CAPN13: variants seen among roughly 807,000 people sequenced by gnomAD.
CAPN13 encodes the protein calpain 13, also known as calpain-13.
CAPN13 carries 90 observed loss-of-function variants against 98.4 expected under a neutral mutation model. That is an observed-to-expected ratio of 0.92 (90% confidence interval 0.77 to 1.09). CAPN13 has a LOEUF of 1.09. Among genes scored for constraint, CAPN13 ranks in the 50% least tolerant of loss-of-function variants. The probability of loss-of-function intolerance (pLI) is 0.00; values close to 1 mark genes in which losing one functional copy is unlikely to be tolerated. For synonymous variants in CAPN13, 330 were observed against 305.5 expected, an observed-to-expected ratio of 1.08 and a Z score of -0.84; for missense variants, 887 against 841.3, an observed-to-expected ratio of 1.05 and a Z score of -0.67.
intron 15 of CAPN13, among the ~76,000 whole-genome samples, chr2:30,740,079 T>A (rs908265106): frequency 3.6e-5 from 5 of 137,426 alleles, no homozygotes; most frequent in Admixed American, 3.3e-4. Flanking sequence ...GTCATTGTAT[T>A]AGGTTTTTTT....
At chr2:30,725,019 A>T (rs965708390) in intron 22 of CAPN13, among the ~76,000 whole-genome samples, 18 of 152,326 alleles carry the variant, frequency 1.2e-4, no homozygotes, top group African/African-American at 4.3e-4. Context: ...ATACAGTGGG[A>T]AATTGTTATA....
chr2:30,797,227 G>C (rs531722543), intron 1 of CAPN13, among the ~76,000 whole-genome samples: 1 of 152,244 alleles, frequency 6.6e-6, no homozygotes, highest in South Asian at 2.1e-4. Context: ...TGCTGTAAGA[G>C]AGCAGATATT....
intron 7 of CAPN13, among the ~76,000 whole-genome samples, chr2:30,758,789 T>TTTCCTTCCTCCCTCCCTCCCTC (rs1572829401): frequency 9.2e-6 from 1 of 109,132 alleles, no homozygotes; most frequent in Non-Finnish European, 1.9e-5. Context: ...TCCCTCCCTT[T>TTTCCTTCCTCCCTCCCTCCCTC]CCTTTCCTTC....
At chr2:30,739,757 T>C (rs1671559057) in intron 15 of CAPN13, among the ~76,000 whole-genome samples, 1 of 152,204 alleles carries the variant, frequency 6.6e-6, no homozygotes, top group African/African-American at 2.4e-5. Flanking sequence ...CCCCGGGTCC[T>C]GCACTTCATA....
At chr2:30,769,071 T>C (rs1328638513) in intron 5 of CAPN13, among the ~76,000 whole-genome samples, 3 of 152,138 alleles carry the variant, frequency 2.0e-5, no homozygotes, top group Middle Eastern at 3.2e-3. Flanking sequence ...CTCTAAGGAC[T>C]GTCCCAGTCA....
intron 1 of CAPN13, among the ~76,000 whole-genome samples, chr2:30,803,836 A>G (rs1675439926): frequency 6.6e-6 from 1 of 152,184 alleles, no homozygotes; most frequent in Admixed American, 6.5e-5. Context: ...CATGAGTATC[A>G]TGGATTACAA....
intron 1 of CAPN13, among the ~76,000 whole-genome samples, chr2:30,802,970 C>G (rs553607495): frequency 1.7e-4 from 26 of 152,292 alleles, no homozygotes; most frequent in African/African-American, 6.3e-4. Flanking sequence ...AGGACAGCCC[C>G]TGGGTTGACG....
intron 4 of CAPN13, among the ~76,000 whole-genome samples, chr2:30,772,561 A>G (rs1310812660): frequency 2.0e-5 from 3 of 152,164 alleles, no homozygotes; most frequent in African/African-American, 7.2e-5. Flanking sequence ...TCAATCCTGG[A>G]TCCTCTAGCT....
intron 6 of CAPN13, 100 bp from the exon 7 acceptor site, chr2:30,763,256 C>G: frequency 9.9e-7 from 1 of 1,014,716 alleles, no homozygotes; most frequent in Non-Finnish European, 1.5e-6. Flanking sequence ...CTGGGCCTCA[C>G]TGACTCACTT....
chr2:30,783,466 A>G (rs1237378710), intron 2 of CAPN13, among the ~76,000 whole-genome samples: 2 of 152,196 alleles, frequency 1.3e-5, no homozygotes, highest in East Asian at 3.9e-4. Flanking sequence ...TTTCAGCAGC[A>G]AAATGGTTTA....
At chr2:30,742,468 A>G in intron 13 of CAPN13, 109 bp from the exon 14 acceptor site, 1 of 1,211,516 alleles carries the variant, frequency 8.3e-7, no homozygotes, top group Non-Finnish European at 1.2e-6. Context: ...AAGTTCCTGA[A>G]TGGGGCACCC....
chr2:30,802,070 C>T (rs1383984042), intron 1 of CAPN13, among the ~76,000 whole-genome samples: 1 of 152,196 alleles, frequency 6.6e-6, no homozygotes, highest in East Asian at 1.9e-4. Context: ...ACCTGGGCAT[C>T]CCAGTCTGTG....
At chr2:30,769,473 A>T (rs561673246) in intron 5 of CAPN13, among the ~76,000 whole-genome samples, 1 of 152,118 alleles carries the variant, frequency 6.6e-6, no homozygotes, top group Admixed American at 6.5e-5. Context: ...GTGTATCTTC[A>T]TCACCTGTGT....
intron 1 of CAPN13, among the ~76,000 whole-genome samples, chr2:30,792,742 A>G (rs1674666033): frequency 6.6e-6 from 1 of 151,986 alleles, no homozygotes; most frequent in African/African-American, 2.4e-5. Context: ...ACGAAACCTC[A>G]TAAAGAAATC....
intron 18 of CAPN13, among the ~76,000 whole-genome samples, chr2:30,735,562 G>A (rs1671321261): frequency 6.6e-6 from 1 of 152,166 alleles, no homozygotes; most frequent in Non-Finnish European, 1.5e-5. Flanking sequence ...TAGCCACTAG[G>A]GAGGCTCTGG....
intron 7 of CAPN13, among the ~76,000 whole-genome samples, chr2:30,759,691 T>C (rs1265741033): frequency 6.6e-6 from 1 of 152,202 alleles, no homozygotes; most frequent in East Asian, 1.9e-4. Context: ...ACTTTCTCAA[T>C]ACCGCTGAGA....
intron 2 of CAPN13, among the ~76,000 whole-genome samples, chr2:30,780,528 A>G (rs1490490299): frequency 6.6e-6 from 1 of 152,244 alleles, no homozygotes; most frequent in Non-Finnish European, 1.5e-5. Flanking sequence ...ACAACTTTTC[A>G]TGATTTACTA....
intron 12 of CAPN13, chr2:30,745,397 G>GTAC (rs1166791781): frequency 2.4e-5 from 13 of 535,474 alleles, no homozygotes; most frequent in Non-Finnish European, 4.4e-5. Context: ...TCTTTCCAAG[G>GTAC]TACCCCTTAG....
intron 7 of CAPN13, among the ~76,000 whole-genome samples, chr2:30,758,746 CCCTCCCTCCCTCTCTTTCCTTTCCTT>C (rs371395077): frequency 0.025 from 3,535 of 140,654 alleles, 75 homozygotes; most frequent in African/African-American, 0.051. Context: ...TCCTGAACTT[CCCTCCCTCCCTCTCTTTCCTTTCCTT>C]CCTCCCTCCC....
Sources: allele counts gnomAD v4.1 joint callset (sites outside exome capture counted in the v4.1 genomes callset), GRCh38; gene constraint gnomAD v4.1.1; transcripts MANE v1.5; gene names NCBI Gene and HGNC (gene_info 2026-07-23, HGNC 2026-07-21).